The following DAO variants were observed in gnomAD, a reference collection of about 807,000 sequenced individuals.
DAO encodes D-amino acid oxidase.
Under a neutral mutation model 50.1 loss-of-function variants are expected in DAO, and 51 were observed. That is an observed-to-expected ratio of 1.02 (90% confidence interval 0.81 to 1.29). DAO has a LOEUF of 1.29. Among genes scored for constraint, DAO ranks in the 50% most tolerant of loss-of-function variants. DAO has a pLI of 0.00. For synonymous variants in DAO, 160 were observed against 166.2 expected (o/e 0.96, Z 0.29); for missense variants, 436 against 439.4 (o/e 0.99, Z 0.07).
intron 4 of DAO, 48 bp downstream of exon 4, chr12:108,889,593 C>T (rs778569974): frequency 7.0e-7 from 1 of 1,433,864 alleles, no homozygotes; most frequent in Non-Finnish European, 9.8e-7. Context: ...GACGAGTTAG[C>T]AGACCTGTCC....
chr12:108,898,290 G>T (rs906245452), intron 8 of DAO, among the ~76,000 whole-genome samples: 8 of 152,218 alleles, frequency 5.3e-5, no homozygotes, highest in African/African-American at 1.4e-4. Flanking sequence ...CACTATCAAT[G>T]ATGTTAATAC....
intron 1 of DAO, among the ~76,000 whole-genome samples, chr12:108,883,303 C>T (rs1439775520): frequency 2.0e-5 from 3 of 152,294 alleles, no homozygotes; most frequent in East Asian, 1.9e-4. Context: ...CCTGCCACCG[C>T]GCCTGGCTAA....
chr12:108,890,466 A>G (rs958726097), intron 5 of DAO, among the ~76,000 whole-genome samples, 193 bp downstream of exon 5: 2 of 152,246 alleles, frequency 1.3e-5, no homozygotes, highest in African/African-American at 4.8e-5. Flanking sequence ...CTAGCTGAGC[A>G]TCAGAACCAC....
intron 1 of DAO, 87 bp downstream of exon 1, chr12:108,880,311 C>T (rs1475010180): frequency 5.5e-6 from 2 of 362,134 alleles, no homozygotes; most frequent in Non-Finnish European, 1.1e-5. Context: ...ATGTCAAAGA[C>T]AGGGCTCAAC....
At chr12:108,884,976 C>T (rs778630570) in intron 1 of DAO, 22 bp from the exon 2 acceptor site, 6 of 1,610,134 alleles carry the variant, frequency 3.7e-6, no homozygotes, top group Middle Eastern at 1.7e-4. Flanking sequence ...TGATGTTGTG[C>T]CTCAACCCTT....
intron 8 of DAO, among the ~76,000 whole-genome samples, chr12:108,898,224 A>G (rs1384261858): frequency 2.0e-5 from 3 of 152,084 alleles, no homozygotes; most frequent in Non-Finnish European, 4.4e-5. Flanking sequence ...GAGGAGATCA[A>G]TGTTGATGAA....
In DAO at chr12:108,900,827, A is replaced by G; in HGVS notation, c.*292A>G. On this transcript the variant is annotated 3_prime_UTR_variant, in exon 11 of 11. Coordinates refer to ENST00000228476, the MANE Select transcript of DAO (RefSeq NM_001917.5). Reference sequence around the variant, plus strand: ...GACAGCTCAGAAAATCAAAGAGGCCAACTGCCCAGAGCCACAGAAAATGGA... The same window carrying G: ...GACAGCTCAGAAAATCAAAGAGGCCGACTGCCCAGAGCCACAGAAAATGGA... 1 of 377,160 alleles carries G rather than the reference A, an allele frequency of 2.7e-6. No individual in the cohort carries two copies. Among genetic ancestry groups the G allele is most frequent in the Non-Finnish European group, 5.1e-6 (1 of 197,002 alleles). The allele number at this position is 377,160 out of a possible 1,614,324, so 23.4% of individuals were successfully genotyped here.
chr12:108,890,367 C>A, intron 5 of DAO, 94 bp downstream of exon 5: 2 of 977,228 alleles, frequency 2.0e-6, no homozygotes, highest in Non-Finnish European at 1.6e-6. Context: ...ATGGACTAAC[C>A]CCCAGGTTTG....
intron 10 of DAO, 184 bp downstream of exon 10, chr12:108,899,659 T>G: frequency 1.5e-6 from 1 of 658,022 alleles, no homozygotes; most frequent in South Asian, 1.6e-5. Context: ...GTTAAGGACC[T>G]GCTCAAGGTT....
At chr12:108,880,482 A>G (rs745691110) in intron 1 of DAO, 3 of 263,550 alleles carry the variant, frequency 1.1e-5, no homozygotes, top group Non-Finnish European at 2.3e-5. Flanking sequence ...CTGAGTGTTA[A>G]AAGAGGTGGT....
rs556038071 is a variant in DAO, at chr12:108,892,718, A to G, written c.453-264A>G. Among the ~76,000 whole-genome samples, 12 of 152,226 alleles carry G rather than the reference A, an allele frequency of 7.9e-5. No homozygotes were observed. In the South Asian group the frequency reaches 2.1e-3, roughly 26 times the overall value. Reference sequence around the variant, plus strand: ...TCCAACTCCATCATTGACTCACTCTATGGCCTTCAGCAAGGCCCTTCCCCC... The same window carrying G: ...TCCAACTCCATCATTGACTCACTCTGTGGCCTTCAGCAAGGCCCTTCCCCC... On this transcript the variant is annotated intron_variant, in intron 5 of 10. Transcript: ENST00000228476.
chr12:108,885,281 A>G, intron 2 of DAO, 81 bp downstream of exon 2: 2 of 1,358,190 alleles, frequency 1.5e-6, no homozygotes, highest in East Asian at 4.6e-5. Context: ...CATCACCAAG[A>G]GCAAGCCCCT....
At position 108,900,370 on chromosome 12, in the gene DAO, C is replaced by G. The variant is rs200600877; in HGVS notation, c.913-34C>G. 6.2e-6 allele frequency: 10 copies of G among 1,612,304 alleles called. No individual in the cohort carries two copies. The South Asian group carries it at 1.1e-4, about 18-fold the overall frequency. On this transcript the variant is annotated intron_variant, in intron 10 of 10. Coordinates refer to ENST00000228476, the MANE Select transcript of DAO (RefSeq NM_001917.5). ...CATCTATTCTTTCCACTGTCCCTCT[C>G]GGACCTGGCCACCTTCTCTCTTGCC... is the stretch of plus-strand genomic sequence containing the variant.
At chr12:108,892,248 C>T (rs1430922560) in intron 5 of DAO, among the ~76,000 whole-genome samples, 4 of 149,220 alleles carry the variant, frequency 2.7e-5, no homozygotes, top group African/African-American at 7.4e-5. Flanking sequence ...CTGCAAGCTC[C>T]GCCTCCTGGG....
At chr12:108,895,289 G>C (rs536155500) in intron 7 of DAO, among the ~76,000 whole-genome samples, 14 of 151,944 alleles carry the variant, frequency 9.2e-5, no homozygotes, top group African/African-American at 3.4e-4. Flanking sequence ...GTATGTAAGG[G>C]TATGTGTGCA....
At position 108,899,455 on chromosome 12, in the gene DAO, A is replaced by C; in HGVS notation, c.892A>C (p.Thr298Pro). The change falls in exon 10 of 11, where the codon ACT (threonine) becomes CCT (proline). Residue 298 changes from threonine to proline, a missense_variant. Physicochemically the swap from Thr to Pro is conservative, Grantham distance 38 (BLOSUM62 -1). Transcript: ENST00000228476. Reference protein sequence around the residue: ...QIRLEREQLRTGPSNTEVIHN... With the variant: ...QIRLEREQLRPGPSNTEVIHN... ...TCGGCTAGAAAGAGAACAGCTTCGC[A>C]CTGGACCTTCAAACACAGAGGTATG... 6.2e-7 allele frequency: 1 copy of C among 1,613,676 alleles called. No individual in the cohort carries two copies. The highest frequency in any genetic ancestry group is 8.5e-7 in the Non-Finnish European group (1 of 1,179,834).
At chr12:108,888,849 C>G (rs2039460572) in intron 3 of DAO, among the ~76,000 whole-genome samples, 1 of 152,186 alleles carries the variant, frequency 6.6e-6, no homozygotes, top group African/African-American at 2.4e-5. Context: ...TACTCTTACC[C>G]TTACCATAAA....
In DAO at chr12:108,898,707, T is replaced by TA. The variant is rs764630838; in HGVS notation, c.724_725insA (p.Phe242TyrfsTer8). ...CCAGACAGTTACTCTTGGAGGCATCTTCCAGTTGGGAAACTGGAGTGAACT... is the reference window on the plus strand; with the variant it reads ...CCAGACAGTTACTCTTGGAGGCATCTATCCAGTTGGGAAACTGGAGTGAACT... On this transcript the variant is annotated frameshift_variant, in exon 9 of 11. Transcript: ENST00000228476. LOFTEE classifies it high-confidence loss of function. 6.2e-7 allele frequency: 1 copy of TA among 1,613,286 alleles called. No homozygotes were observed. Among genetic ancestry groups the TA allele is most frequent in the South Asian group, 1.1e-5 (1 of 91,062 alleles).
At chr12:108,895,444 G>A (rs983574652) in intron 7 of DAO, among the ~76,000 whole-genome samples, 1 of 142,660 alleles carries the variant, frequency 7.0e-6, no homozygotes, top group African/African-American at 2.6e-5. Context: ...TATGTGTGAC[G>A]GTGTGTGTGC....
Sources: allele counts gnomAD v4.1 joint callset (sites outside exome capture counted in the v4.1 genomes callset), GRCh38; gene constraint gnomAD v4.1.1; transcripts MANE v1.5; gene names NCBI Gene and HGNC (gene_info 2026-07-23, HGNC 2026-07-21).